The following DMXL2 variants were observed in gnomAD, a reference collection of about 807,000 sequenced individuals.
DMXL2 encodes dmX-like protein 2.
A neutral mutation model predicts 331.1 loss-of-function variants in DMXL2; 103 were observed. That is an observed-to-expected ratio of 0.31 (90% CI 0.27 to 0.37). The LOEUF (loss-of-function observed/expected upper bound fraction) is 0.37, where lower values mean the gene tolerates loss of function less well. Ranked by LOEUF, DMXL2 falls within the 10% of genes least tolerant of loss-of-function variation. The pLI, the probability that DMXL2 is intolerant of heterozygous loss-of-function variation, is 1.00. For synonymous variants in DMXL2, 1,281 were observed against 1,252.1 expected, an observed-to-expected ratio of 1.02 and a Z score of -0.49; for missense variants, 3,171 against 3,642.9, an observed-to-expected ratio of 0.87 and a Z score of 3.33.
chr15:51,505,350 A>T (rs1003312612), intron 16 of DMXL2, among the ~76,000 whole-genome samples: 1 of 152,240 alleles, frequency 6.6e-6, no homozygotes, highest in Non-Finnish European at 1.5e-5. Context: ...ACTCAACTCT[A>T]GCCCTGGCTT....
At chr15:51,494,025 G>A (rs901789754) in intron 19 of DMXL2, among the ~76,000 whole-genome samples, 2 of 152,120 alleles carry the variant, frequency 1.3e-5, no homozygotes, top group African/African-American at 4.8e-5. Flanking sequence ...TACTTATCAA[G>A]ACTGAAGAAT....
chr15:51,464,991 C>T, intron 31 of DMXL2, 115 bp from the exon 32 acceptor site: 1 of 954,688 alleles, frequency 1.0e-6, no homozygotes, highest in East Asian at 2.6e-5. Context: ...AATAAATCTG[C>T]AAATGTTAAT....
chr15:51,566,232 G>GGGGGT (rs1241117355), intron 3 of DMXL2, among the ~76,000 whole-genome samples: 1 of 144,728 alleles, frequency 6.9e-6, no homozygotes, highest in African/African-American at 2.6e-5. Context: ...GTGTGTGTGG[G>GGGGGT]GTGTGTGTGT....
At chr15:51,515,210 G>A (rs751918662) in intron 14 of DMXL2, among the ~76,000 whole-genome samples, 8 of 151,956 alleles carry the variant, frequency 5.3e-5, no homozygotes, top group African/African-American at 1.2e-4. Context: ...AGACTATCAC[G>A]AATGGCTACT....
chr15:51,562,416 G>C (rs1285166594), intron 6 of DMXL2, among the ~76,000 whole-genome samples: 1 of 151,838 alleles, frequency 6.6e-6, no homozygotes, highest in African/African-American at 2.4e-5. Context: ...ATCAAAACAA[G>C]AAAAAAGGAA....
chr15:51,610,366 G>C (rs948250350), intron 1 of DMXL2, among the ~76,000 whole-genome samples: 1 of 152,162 alleles, frequency 6.6e-6, no homozygotes, highest in African/African-American at 2.4e-5. Flanking sequence ...AGACAGAAAA[G>C]CGGTAAAGTT....
At chr15:51,518,259 G>C (rs1187340463) in intron 13 of DMXL2, among the ~76,000 whole-genome samples, 2 of 152,108 alleles carry the variant, frequency 1.3e-5, no homozygotes, top group Non-Finnish European at 2.9e-5. Context: ...CCTGAACCTG[G>C]GAGGCGGAGG....
At chr15:51,449,297 C>A in intron 43 of DMXL2, 104 bp from the exon 44 acceptor site, 2 of 1,058,124 alleles carry the variant, frequency 1.9e-6, no homozygotes, top group East Asian at 2.5e-5. Context: ...AAAGCCCAAC[C>A]TTCCCACCCA....
At chr15:51,619,002 G>C (rs1321023017) in intron 1 of DMXL2, among the ~76,000 whole-genome samples, 1 of 152,038 alleles carries the variant, frequency 6.6e-6, no homozygotes, top group Non-Finnish European at 1.5e-5. Context: ...CAAGCCTTAA[G>C]GCCAAATGAA....
intron 39 of DMXL2, among the ~76,000 whole-genome samples, chr15:51,455,464 T>C (rs1218876489): frequency 6.6e-6 from 1 of 152,174 alleles, no homozygotes; most frequent in Non-Finnish European, 1.5e-5. Flanking sequence ...AGTAGTGCAA[T>C]TATAACTTAC....
chr15:51,613,386 C>A (rs968844118), intron 1 of DMXL2, among the ~76,000 whole-genome samples: 1 of 152,176 alleles, frequency 6.6e-6, no homozygotes, highest in Non-Finnish European at 1.5e-5. Flanking sequence ...AATTTATGTT[C>A]TTCTGCCATA....
intron 1 of DMXL2, among the ~76,000 whole-genome samples, chr15:51,600,754 C>T (rs1249457550): frequency 6.6e-6 from 1 of 152,182 alleles, no homozygotes; most frequent in Non-Finnish European, 1.5e-5. Context: ...ACAAGGGTAT[C>T]TGCCAGTATA....
intron 33 of DMXL2, chr15:51,460,182 T>C: frequency 1.0e-6 from 1 of 986,966 alleles, no homozygotes. Flanking sequence ...AGTAATTTGC[T>C]CCCGGGTTGA....
intron 1 of DMXL2, among the ~76,000 whole-genome samples, chr15:51,620,608 G>C (rs1430866654): frequency 6.6e-6 from 1 of 152,182 alleles, no homozygotes; most frequent in Non-Finnish European, 1.5e-5. Flanking sequence ...AATTATCCTA[G>C]CAGCGGTGTG....
At chr15:51,576,914 CA>C (rs1187013319) in intron 1 of DMXL2, among the ~76,000 whole-genome samples, 2 of 152,160 alleles carry the variant, frequency 1.3e-5, no homozygotes, top group African/African-American at 4.8e-5. Context: ...AAATAGACTA[CA>C]ACACAGAATT....
intron 1 of DMXL2, among the ~76,000 whole-genome samples, chr15:51,581,450 G>C (rs1457366923): frequency 6.6e-6 from 1 of 152,108 alleles, no homozygotes; most frequent in Non-Finnish European, 1.5e-5. Flanking sequence ...GACAACCACT[G>C]ACAGATGCGT....
At chr15:51,609,237 C>A (rs2053794372) in intron 1 of DMXL2, among the ~76,000 whole-genome samples, 1 of 152,000 alleles carries the variant, frequency 6.6e-6, no homozygotes, top group Non-Finnish European at 1.5e-5. Flanking sequence ...GAGCAAAGAA[C>A]AAAAGGAACA....
At chr15:51,550,845 G>C (rs2140963648) in intron 6 of DMXL2, among the ~76,000 whole-genome samples, 1 of 152,164 alleles carries the variant, frequency 6.6e-6, no homozygotes, top group South Asian at 2.1e-4. Context: ...TTTAAGTTCA[G>C]ATAGAAATTT....
Position 51,537,495 on chromosome 15 carries a change from T to C in DMXL2, c.1610A>G (p.Gln537Arg). The change falls in exon 11 of 44, where the codon CAA (glutamine) becomes CGA (arginine). Residue 537 changes from glutamine to arginine, a missense_variant. Gln to Arg is a conservative substitution (Grantham distance 43). Coordinates refer to ENST00000560891, the MANE Select transcript of DMXL2 (RefSeq NM_001378457.1). ...LDEYNPGIFR[Q>R]VQVSFSSRIP... ...TTCATCAATAAAATATACCTGAACT[T>C]GTCTAAATATTCCAGGATTATATTC... The C allele has an allele frequency of 6.2e-7, 1 of 1,609,954 alleles. No individual in the cohort carries two copies.
Sources: allele counts gnomAD v4.1 joint callset (sites outside exome capture counted in the v4.1 genomes callset), GRCh38; gene constraint gnomAD v4.1.1; transcripts MANE v1.5; gene names NCBI Gene and HGNC (gene_info 2026-07-23, HGNC 2026-07-21).